The following ANKS1B variants were observed in gnomAD, a reference collection of about 807,000 sequenced individuals.
The protein encoded by ANKS1B is ankyrin repeat and sterile alpha motif domain-containing protein 1B.
ANKS1B carries 36 observed loss-of-function variants against 148.3 expected under a neutral mutation model. The ratio of observed to expected loss-of-function variants is 0.24; its 90% CI spans 0.19 to 0.32. The LOEUF (loss-of-function observed/expected upper bound fraction) is 0.32. ANKS1B is among the 10% of genes least tolerant of loss of function. The pLI, the probability that ANKS1B is intolerant of heterozygous loss-of-function variation, is 1.00. For synonymous variants in ANKS1B, 542 were observed against 560.8 expected (o/e 0.97, Z 0.47); for missense variants, 1,157 against 1,542.6 (o/e 0.75, Z 4.19).
At chr12:99,948,265 A>G (rs988168078) in intron 1 of ANKS1B, among the ~76,000 whole-genome samples, 1 of 152,120 alleles carries the variant, frequency 6.6e-6, no homozygotes, top group Admixed American at 6.6e-5. Context: ...AGAACCTTGT[A>G]TTACACAAAT....
At chr12:99,314,749 C>A (rs947610540) in intron 12 of ANKS1B, among the ~76,000 whole-genome samples, 1 of 152,138 alleles carries the variant, frequency 6.6e-6, no homozygotes, top group Non-Finnish European at 1.5e-5. Flanking sequence ...CTTCCTTATA[C>A]CTTTTATAAA....
intron 1 of ANKS1B, among the ~76,000 whole-genome samples, chr12:99,872,837 T>C (rs941593524): frequency 2.0e-5 from 3 of 152,166 alleles, no homozygotes; most frequent in Non-Finnish European, 4.4e-5. Context: ...ATTATATAGA[T>C]ACACCAATCC....
intron 22 of ANKS1B, among the ~76,000 whole-genome samples, chr12:98,785,812 C>G (rs139531658): frequency 3.9e-5 from 6 of 152,178 alleles, no homozygotes; most frequent in Admixed American, 3.9e-4. Context: ...ATAATTAATA[C>G]TCCCATATGT....
rs577354681 is a variant in ANKS1B, at chr12:99,504,426, T to C, written c.1438+50A>G. The C allele has an allele frequency of 1.1e-4, 179 of 1,570,428 alleles. 3 individuals carry two copies. The South Asian group carries it at 1.7e-3, about 15-fold the overall frequency. On this transcript the variant is annotated intron_variant, in intron 10 of 26. Transcript: ENST00000683438. ...AAAATGTTAATGATGCATCTTCATA[T>C]GAATAAGCAAGTAAATTGAATCAGG...
intron 4 of ANKS1B, among the ~76,000 whole-genome samples, chr12:99,783,962 T>A (rs763488921): frequency 6.6e-6 from 1 of 152,146 alleles, no homozygotes; most frequent in East Asian, 1.9e-4. Flanking sequence ...ATATTTCATG[T>A]ATCAAAATAT....
intron 22 of ANKS1B, chr12:98,794,920 A>G (rs2098934030): frequency 7.1e-7 from 1 of 1,414,134 alleles, no homozygotes; most frequent in Non-Finnish European, 1.0e-6. Flanking sequence ...GTTGGAAGAG[A>G]AAATGGCACA....
chr12:99,709,776 AG>A (rs1348829838), intron 8 of ANKS1B, among the ~76,000 whole-genome samples: 2 of 152,152 alleles, frequency 1.3e-5, no homozygotes, highest in East Asian at 3.9e-4. Flanking sequence ...CTATAGTGGT[AG>A]GTCATAATGA....
At chr12:99,484,793 G>T in intron 10 of ANKS1B, among the ~76,000 whole-genome samples, 1 of 137,092 alleles carries the variant, frequency 7.3e-6, no homozygotes, top group Non-Finnish European at 1.5e-5. Context: ...TACCATTGGT[G>T]CTTTGAAGTC....
intron 8 of ANKS1B, among the ~76,000 whole-genome samples, chr12:99,763,906 TATA>T (rs2062401626): frequency 6.6e-6 from 1 of 152,118 alleles, no homozygotes; most frequent in Non-Finnish European, 1.5e-5. Flanking sequence ...CTAAGAAAAA[TATA>T]ATTTGACTTA....
chr12:99,398,503 G>A (rs2094315258), intron 12 of ANKS1B, among the ~76,000 whole-genome samples: 1 of 152,046 alleles, frequency 6.6e-6, no homozygotes, highest in Non-Finnish European at 1.5e-5. Flanking sequence ...TTTCTTGGAA[G>A]GAAAGTAATT....
At chr12:99,058,719 CTTTTTTTTTTTTT>C (rs869064302) in intron 16 of ANKS1B, among the ~76,000 whole-genome samples, 22 of 80,678 alleles carry the variant, frequency 2.7e-4, no homozygotes, top group Admixed American at 5.9e-4. Flanking sequence ...TCTATCTATC[CTTTTTTTTTTTTT>C]TTTTTTTTTT....
chr12:99,657,786 C>T (rs934815041), intron 8 of ANKS1B, among the ~76,000 whole-genome samples: 5 of 150,462 alleles, frequency 3.3e-5, no homozygotes, highest in Non-Finnish European at 5.9e-5. Flanking sequence ...TCATAGTTGG[C>T]CAAGAATTAT....
intron 2 of ANKS1B, among the ~76,000 whole-genome samples, chr12:99,823,083 T>C (rs2082703187): frequency 6.6e-6 from 1 of 152,238 alleles, no homozygotes; most frequent in African/African-American, 2.4e-5. Context: ...GCCACTTGTA[T>C]ATCTTCTTTT....
chr12:99,355,238 G>T (rs2091860504), intron 12 of ANKS1B, among the ~76,000 whole-genome samples: 1 of 152,036 alleles, frequency 6.6e-6, no homozygotes, highest in South Asian at 2.1e-4. Context: ...CATTTAATAA[G>T]GTGACTGTGC....
At chr12:99,190,485 A>T (rs1345209337) in intron 14 of ANKS1B, among the ~76,000 whole-genome samples, 1 of 152,138 alleles carries the variant, frequency 6.6e-6, no homozygotes, top group Non-Finnish European at 1.5e-5. Flanking sequence ...ATATTGTTAC[A>T]AAAACAGATA....
chr12:99,579,048 A>T (rs2097545227), intron 9 of ANKS1B, among the ~76,000 whole-genome samples: 1 of 152,114 alleles, frequency 6.6e-6, no homozygotes, highest in Admixed American at 6.6e-5. Flanking sequence ...AAAGCTGCAC[A>T]CCTAAAACCA....
At chr12:99,074,495 A>T (rs1237404781) in intron 16 of ANKS1B, among the ~76,000 whole-genome samples, 1 of 152,184 alleles carries the variant, frequency 6.6e-6, no homozygotes, top group Non-Finnish European at 1.5e-5. Context: ...TATCCAGCCC[A>T]TACAGTTATT....
intron 12 of ANKS1B, among the ~76,000 whole-genome samples, chr12:99,332,217 T>C (rs1336897781): frequency 3.3e-5 from 5 of 152,038 alleles, no homozygotes; most frequent in Admixed American, 1.3e-4. Context: ...CTACTGAAAC[T>C]GAACACAATT....
chr12:98,825,995 T>C (rs1039758981), intron 19 of ANKS1B, among the ~76,000 whole-genome samples: 1 of 152,212 alleles, frequency 6.6e-6, no homozygotes, highest in South Asian at 2.1e-4. Flanking sequence ...AAGGTATAAT[T>C]ACACATATGT....
Sources: gnomAD v4.1 joint callset for allele counts (sites outside exome capture counted in the v4.1 genomes callset) on GRCh38, gnomAD v4.1.1 for gene constraint, MANE v1.5 for transcripts, NCBI Gene and HGNC (gene_info 2026-07-23, HGNC 2026-07-21) for gene names.